C11orf65: variants seen among roughly 807,000 people sequenced by gnomAD.
The protein encoded by C11orf65 is protein MFI.
Under a neutral mutation model 35.3 loss-of-function variants are expected in C11orf65, and 38 were observed. The ratio of observed to expected loss-of-function variants is 1.08; its 90% CI spans 0.83 to 1.41. The LOEUF (loss-of-function observed/expected upper bound fraction) is 1.41, where lower values mean the gene tolerates loss of function less well. Ranked by LOEUF, C11orf65 falls within the 40% of genes most tolerant of loss-of-function variation. The pLI, the probability that C11orf65 is intolerant of heterozygous loss-of-function variation, is 0.00. For missense variants in C11orf65, 370 were observed against 367.1 expected, an observed-to-expected ratio of 1.01 and a Z score of -0.06; for synonymous variants, 105 against 114.4, an observed-to-expected ratio of 0.92 and a Z score of 0.53.
chr11:108,423,590 C>T (rs906031229), intron 3 of C11orf65, among the ~76,000 whole-genome samples: 4 of 152,154 alleles, frequency 2.6e-5, no homozygotes, highest in Non-Finnish European at 5.9e-5. Flanking sequence ...CAAGTGGATC[C>T]CTGACCCCCA....
At chr11:108,329,291 GT>G (rs2086012751), downstream of C11orf65, 1 of 1,482,108 alleles carries the variant, frequency 6.7e-7, no homozygotes, top group Admixed American at 1.7e-5. Flanking sequence ...AACTGAGTGA[GT>G]GTTTTTGCAT....
At chr11:108,444,444 A>G (rs1053792018) in intron 2 of C11orf65, among the ~76,000 whole-genome samples, 23 of 152,158 alleles carry the variant, frequency 1.5e-4, no homozygotes, top group African/African-American at 5.1e-4. Context: ...TAGAAAAAGA[A>G]GGAATCCTCC....
intron 6 of C11orf65, among the ~76,000 whole-genome samples, chr11:108,402,516 A>G (rs2092456679): frequency 6.6e-6 from 1 of 151,892 alleles, no homozygotes; most frequent in Admixed American, 6.6e-5. Context: ...GGACCACTTC[A>G]GAGCTGCCAG....
chr11:108,398,952 C>T (rs2092380576), intron 6 of C11orf65, among the ~76,000 whole-genome samples: 1 of 152,158 alleles, frequency 6.6e-6, no homozygotes, highest in Non-Finnish European at 1.5e-5. Context: ...CTATTTTAAT[C>T]AGCCTGTCAC....
At chr11:108,383,887 T>C (rs2091923894) in intron 8 of C11orf65, among the ~76,000 whole-genome samples, 1 of 123,628 alleles carries the variant, frequency 8.1e-6, no homozygotes, top group Admixed American at 8.8e-5. Flanking sequence ...TTTTTTTTTT[T>C]TGAGACAGGG....
chr11:108,359,270 A>G (rs567485689), intron 2 of C11orf65, among the ~76,000 whole-genome samples: 12 of 151,712 alleles, frequency 7.9e-5, no homozygotes, highest in South Asian at 6.3e-4. Flanking sequence ...TATGCACCCA[A>G]TACAGGAGCA....
At chr11:108,459,726 TACAC>T (rs60928526) in intron 2 of C11orf65, among the ~76,000 whole-genome samples, 13,359 of 138,492 alleles carry the variant, frequency 0.096, 784 homozygotes, top group African/African-American at 0.17. Context: ...GTCCTCCGTC[TACAC>T]ACACACACAC....
rs567452383 is a variant in C11orf65, at chr11:108,370,185, T to G, written c.226+23023A>C. On this transcript the variant is annotated intron_variant, in intron 2 of 3. Transcript: ENST00000524755. ...ACTATGTTTATTCCTAAGCACTTTGTTTTTTTAAATGTTCTTATAAAGGAC... is the reference window on the plus strand; with the variant it reads ...ACTATGTTTATTCCTAAGCACTTTGGTTTTTTAAATGTTCTTATAAAGGAC... Among the ~76,000 whole-genome samples the G allele has an allele frequency of 1.7e-4, 26 of 152,186 alleles. No individual in the cohort carries two copies. In the South Asian group the frequency reaches 5.0e-3, roughly 29 times the overall value.
Position 108,331,976 on chromosome 11 carries a change from A to G in C11orf65, c.300-409T>C, listed in dbSNP as rs1202657573. 1 of 1,613,954 alleles carries G rather than the reference A, an allele frequency of 6.2e-7. No homozygotes were observed. The highest frequency in any genetic ancestry group is 1.7e-5 in the Admixed American group (1 of 59,996). On this transcript the variant is annotated intron_variant, in intron 3 of 3. Coordinates refer to the C11orf65 transcript ENST00000524755. ...AGAGATGAATTTCTGACTAAACCAG[A>G]GGTAGCCAGAAGAAGCAGAATAACT...
downstream of C11orf65, among the ~76,000 whole-genome samples, chr11:108,329,977 G>C (rs1251051955): frequency 6.6e-6 from 1 of 152,230 alleles, no homozygotes; most frequent in East Asian, 1.9e-4. Context: ...AAGCAGAGGT[G>C]TAAGTTAGCT....
chr11:108,331,940 C>G lies in C11orf65; in HGVS notation c.300-373G>C, dbSNP rs775295535. ...ACTTTGTTTATTATACTGGCCTTAG[C>G]AAATGCAAACAGAGATGAATTTCTG... On this transcript the variant is annotated intron_variant, in intron 3 of 3. Coordinates refer to the C11orf65 transcript ENST00000524755. 3 of 1,613,880 alleles carry G rather than the reference C, an allele frequency of 1.9e-6. No homozygotes were observed. The highest frequency in any genetic ancestry group is 2.2e-5 in the East Asian group (1 of 44,840).
In C11orf65 at chr11:108,426,668, CA is replaced by C. The variant is rs796917644; in HGVS notation, c.174+5077del. Among the ~76,000 whole-genome samples the C allele has an allele frequency of 5.9e-4, 87 of 146,540 alleles. 1 individual carries two copies. Among genetic ancestry groups the C allele is most frequent in the African/African-American group, 1.8e-3 (72 of 40,034 alleles). ...AACTACTTTAAATTTCATATGGAACCAAAAAAAAAACCTGTATAGCCAAGAC... is the reference window on the plus strand; with the variant it reads ...AACTACTTTAAATTTCATATGGAACCAAAAAAAAACCTGTATAGCCAAGAC... On this transcript the variant is annotated intron_variant, in intron 3 of 8. Coordinates refer to ENST00000393084, the MANE Select transcript of C11orf65 (RefSeq NM_152587.5).
intron 2 of C11orf65, among the ~76,000 whole-genome samples, chr11:108,459,350 C>T (rs1166199970): frequency 6.6e-6 from 1 of 152,038 alleles, no homozygotes; most frequent in African/African-American, 2.4e-5. Flanking sequence ...CAGTAAACAT[C>T]CACCTACCTG....
chr11:108,379,190 C>T (rs895306121), downstream of C11orf65, among the ~76,000 whole-genome samples: 1 of 152,090 alleles, frequency 6.6e-6, no homozygotes, highest in Non-Finnish European at 1.5e-5. Flanking sequence ...ATGTTTATTG[C>T]CGCACTATTC....
intron 2 of C11orf65, among the ~76,000 whole-genome samples, chr11:108,341,431 C>T (rs1388016100): frequency 2.6e-5 from 4 of 151,910 alleles, no homozygotes; most frequent in African/African-American, 4.8e-5. Flanking sequence ...TGTTCCTCAC[C>T]AGAATGAAAC....
chr11:108,408,688 T>TAAAATAAAATAAAATAAAATAAATAAAAA (rs2092595290), intron 3 of C11orf65, among the ~76,000 whole-genome samples: 1 of 81,572 alleles, frequency 1.2e-5, no homozygotes, highest in African/African-American at 6.6e-5. Flanking sequence ...TAAAATAAAA[T>TAAAATAAAATAAAATAAAATAAATAAAAA]AAAATAAAAT....
intron 2 of C11orf65, among the ~76,000 whole-genome samples, chr11:108,438,032 TTGGTAC>T (rs1211187841): frequency 6.6e-6 from 1 of 152,092 alleles, no homozygotes; most frequent in African/African-American, 2.4e-5. Flanking sequence ...TCAAAACAGT[TTGGTAC>T]TGGCCTAAGG....
chr11:108,390,401 T>C (rs980340879), intron 7 of C11orf65, among the ~76,000 whole-genome samples: 3 of 152,228 alleles, frequency 2.0e-5, no homozygotes, highest in Non-Finnish European at 4.4e-5. Flanking sequence ...GAAAGTCTTA[T>C]GTGGACCGAG....
At chr11:108,438,189 TATACCCAC>T (rs1236078454) in intron 2 of C11orf65, among the ~76,000 whole-genome samples, 1 of 152,208 alleles carries the variant, frequency 6.6e-6, no homozygotes, top group African/African-American at 2.4e-5. Flanking sequence ...GTGACAATTA[TATACCCAC>T]ATGAAAAATA....
Sources: allele counts gnomAD v4.1 joint callset (sites outside exome capture counted in the v4.1 genomes callset), GRCh38; gene constraint gnomAD v4.1.1; transcripts MANE v1.5; gene names NCBI Gene and HGNC (gene_info 2026-07-23, HGNC 2026-07-21).